EMILIN1: variants seen among roughly 807,000 people sequenced by gnomAD.
EMILIN1 encodes EMILIN-1.
A neutral mutation model predicts 82.4 loss-of-function variants in EMILIN1; 49 were observed. That is an observed-to-expected ratio of 0.59 (90% confidence interval 0.47 to 0.75). The LOEUF (loss-of-function observed/expected upper bound fraction) is 0.75. EMILIN1 is among the 30% of genes least tolerant of loss of function. The pLI, the probability that EMILIN1 is intolerant of heterozygous loss-of-function variation, is 0.00. For missense variants in EMILIN1, 1,313 were observed against 1,366.4 expected (o/e 0.96, Z 0.62); for synonymous variants, 604 against 602.2 (o/e 1.00, Z -0.04).
rs951022661 is a variant in EMILIN1 at position 27,084,431 on chromosome 2, TGGGCCCCCAGGGCCTCCTGGGCTGCAG to T, written c.2460_2486del (p.Pro825_Pro833del). On this transcript the variant is annotated inframe_deletion, in exon 5 of 8. Coordinates refer to ENST00000380320, the MANE Select transcript of EMILIN1 (RefSeq NM_007046.4). ...TCACTGTAGGGCCTGCAGGAGAGGC[TGGGCCCCCAGGGCCTCCTGGGCTGCAG>T]GGACCCCCAGGCCCTGCTGGACCTC... is the stretch of plus-strand genomic sequence containing the variant. 3 of 1,609,084 alleles carry T rather than the reference TGGGCCCCCAGGGCCTCCTGGGCTGCAG, an allele frequency of 1.9e-6. No individual in the cohort carries two copies. The highest frequency in any genetic ancestry group is 1.7e-6 in the Non-Finnish European group (2 of 1,177,180).
intron 1 of EMILIN1, 102 bp downstream of exon 1, chr2:27,079,337 G>A (rs991321074): frequency 1.9e-6 from 2 of 1,052,798 alleles, no homozygotes; most frequent in Admixed American, 3.6e-5. Flanking sequence ...AGGGCAGAGG[G>A]GGAGTGAGAA....
Position 27,085,698 on chromosome 2 carries a change from G to C in EMILIN1, c.2734G>C (p.Ala912Pro). 6.2e-7 allele frequency: 1 copy of C among 1,601,316 alleles called. No individual in the cohort carries two copies. Among genetic ancestry groups the C allele is most frequent in the Non-Finnish European group, 8.5e-7 (1 of 1,170,436 alleles). Reference protein sequence around the residue: ...PETGVFTAPLAGRYLLSAVLT... With the variant: ...PETGVFTAPLPGRYLLSAVLT... ...CCCAGGCGTGTTCACAGCGCCACTG[G>C]CTGGACGCTACTTGCTGAGCGCGGT... is the stretch of plus-strand genomic sequence containing the variant. Residue 912 changes from alanine (A) to proline (P), a missense_variant, in exon 8 of 8, where the codon GCT becomes CCT. Coordinates refer to ENST00000380320, the MANE Select transcript of EMILIN1 (RefSeq NM_007046.4).
In EMILIN1 at chr2:27,083,352, G is replaced by C. The variant is rs200339477; in HGVS notation, c.1781G>C (p.Arg594Pro). The C allele has an allele frequency of 6.2e-7, 1 of 1,612,942 alleles. No homozygotes were observed. The highest frequency in any genetic ancestry group is 8.5e-7 in the Non-Finnish European group (1 of 1,179,920). The change falls in exon 4 of 8, where the codon CGC becomes CCC. Residue 594 changes from arginine to proline, a missense_variant. By Grantham distance (103) the Arg-to-Pro change is moderately radical. Coordinates refer to ENST00000380320, the MANE Select transcript of EMILIN1 (RefSeq NM_007046.4). ...ACGGVQEELGRLRDGVERCSC... is the reference protein window; with the variant it reads ...ACGGVQEELGPLRDGVERCSC... The stretch of plus-strand genomic sequence containing the variant: ...GGCGGAGTCCAAGAGGAACTAGGCC[G>C]CCTTCGGGATGGTGTGGAGCGCTGC...
chr2:27,083,156 C>T lies in EMILIN1; in HGVS notation c.1585C>T (p.Gln529Ter). The T allele has an allele frequency of 1.2e-6, 2 of 1,601,920 alleles. No individual in the cohort carries two copies. Among genetic ancestry groups the T allele is most frequent in the Non-Finnish European group, 1.7e-6 (2 of 1,173,210 alleles). The change falls in exon 4 of 8, where the codon CAG (glutamine) becomes TAG (stop). Residue 529 changes from glutamine (Q) to a stop codon, truncating the protein, a stop_gained. Transcript: ENST00000380320. LOFTEE classifies it high-confidence loss of function. ...GGTGGAAGCAGCGGGGGAGGCCCGG[C>T]AGGCCACGCTGGAGGGATTACAAGA... Reference protein sequence around the residue: ...HTVEAAGEARQATLEGLQEVV... With the variant: ...HTVEAAGEAR
At position 27,086,219 on chromosome 2, in the gene EMILIN1, G is replaced by A; in HGVS notation, c.*204G>A. ...TCGGGGCCGCCCATGCAGACTTTTGGCCTGGCGCGATCCCCCAAGAACCCC... is the reference window on the plus strand; with the variant it reads ...TCGGGGCCGCCCATGCAGACTTTTGACCTGGCGCGATCCCCCAAGAACCCC... On this transcript the variant is annotated 3_prime_UTR_variant, in exon 8 of 8. Coordinates refer to ENST00000380320, the MANE Select transcript of EMILIN1 (RefSeq NM_007046.4). 1 of 385,078 alleles carries A rather than the reference G, an allele frequency of 2.6e-6. No homozygotes were observed. The highest frequency in any genetic ancestry group is 4.6e-6 in the Non-Finnish European group (1 of 219,348). The allele number at this position is 385,078 out of a possible 1,614,324, so 23.9% of individuals were successfully genotyped here. A position where few individuals can be genotyped will look rare whatever the true frequency, so the allele number is the denominator to read the frequency against.
chr2:27,078,734 A>C lies in EMILIN1; in HGVS notation c.-332A>C, dbSNP rs1558431759. Reference sequence around the variant, plus strand: ...AGCTGGGACGAGGGGGCGGACGCCCAGGAGGCAACTTCTGAGACGCAGCTC... The same window carrying C: ...AGCTGGGACGAGGGGGCGGACGCCCCGGAGGCAACTTCTGAGACGCAGCTC... On this transcript the variant is annotated 5_prime_UTR_variant, in exon 1 of 8. Transcript: ENST00000380320. The C allele has an allele frequency of 7.2e-6, 2 of 277,878 alleles. No individual in the cohort carries two copies. Among genetic ancestry groups the C allele is most frequent in the Non-Finnish European group, 6.7e-6 (1 of 149,114 alleles). The allele number at this position is 277,878 out of a possible 1,614,324, so 17.2% of individuals were successfully genotyped here. A position where few individuals can be genotyped will look rare whatever the true frequency, so the allele number is the denominator to read the frequency against.
In EMILIN1 at chr2:27,086,288, T is replaced by G; in HGVS notation, c.*273T>G. 2.9e-6 allele frequency: 1 copy of G among 344,738 alleles called. No homozygotes were observed. Among genetic ancestry groups the G allele is most frequent in the Non-Finnish European group, 5.2e-6 (1 of 192,562 alleles). The allele number at this position is 344,738 out of a possible 1,614,324, so 21.4% of individuals were successfully genotyped here. On this transcript the variant is annotated 3_prime_UTR_variant, in exon 8 of 8. Coordinates refer to ENST00000380320, the MANE Select transcript of EMILIN1 (RefSeq NM_007046.4). ...AGGAGCCGATCCTCGCACCCTCCGC[T>G]CCCTCCACTGGCCCTCCAGGTCGAT...
intron 3 of EMILIN1, among the ~76,000 whole-genome samples, chr2:27,081,752 T>C (rs566232226): frequency 6.6e-6 from 1 of 152,294 alleles, no homozygotes; most frequent in South Asian, 2.1e-4. Flanking sequence ...GGGGGCTGGA[T>C]AGATGGTCTG....
chr2:27,080,996 G>T (rs1040790738), intron 3 of EMILIN1, 44 bp downstream of exon 3: 4 of 1,413,202 alleles, frequency 2.8e-6, no homozygotes, highest in Non-Finnish European at 3.9e-6. Flanking sequence ...TCCAAATGGT[G>T]ATCCAATGCA....
Position 27,082,474 on chromosome 2 carries a change from C to A in EMILIN1, c.903C>A (p.Ser301=), listed in dbSNP as rs1426847041. Reference sequence around the variant, plus strand: ...AGCTGGAGCAGCGGTTGCAGGAGTCCTGCTCCGTGTGCCTGGCCGGGCTAG... The same window carrying A: ...AGCTGGAGCAGCGGTTGCAGGAGTCATGCTCCGTGTGCCTGGCCGGGCTAG... The part of the protein sequence containing the change: ...LRQLEQRLQE[S]CSVCLAGLDG... Residue 301 remains serine (S), a synonymous_variant, in exon 4 of 8, where the codon TCC becomes TCA. Coordinates refer to ENST00000380320, the MANE Select transcript of EMILIN1 (RefSeq NM_007046.4). The A allele has an allele frequency of 6.4e-7, 1 of 1,559,842 alleles. No individual in the cohort carries two copies.
chr2:27,080,082 G>A (rs1034707422), intron 1 of EMILIN1, 69 bp from the exon 2 acceptor site: 8 of 1,574,572 alleles, frequency 5.1e-6, no homozygotes, highest in South Asian at 3.4e-5. Context: ...AGCCCCTCTG[G>A]TAGCCCCTGG....
rs146361990 is a variant in EMILIN1 at position 27,082,343 on chromosome 2, C to T, written c.772C>T (p.Leu258=). Reference sequence around the variant, plus strand: ...CCGCGTCTCCACCCACGACCAGGAGCTGGGTCACCTCAACAACCATCATGG... The same window carrying T: ...CCGCGTCTCCACCCACGACCAGGAGTTGGGTCACCTCAACAACCATCATGG... The part of the protein sequence containing the change: ...DTRVSTHDQE[L]GHLNNHHGGS... Residue 258 remains leucine, a synonymous_variant, in exon 4 of 8, where the codon CTG becomes TTG. Coordinates refer to ENST00000380320, the MANE Select transcript of EMILIN1 (RefSeq NM_007046.4). 7.9e-5 allele frequency: 128 copies of T among 1,612,688 alleles called. No homozygotes were observed. In the African/African-American group the frequency reaches 1.5e-3, roughly 19 times the overall value.
chr2:27,082,526 G>A lies in EMILIN1; in HGVS notation c.955G>A (p.Asp319Asn), dbSNP rs967527353. 1 of 1,544,406 alleles carries A rather than the reference G, an allele frequency of 6.5e-7. No homozygotes were observed. The highest frequency in any genetic ancestry group is 1.4e-5 in the African/African-American group (1 of 72,982). Reference sequence around the variant, plus strand: ...TGGCTTCCGCCGGCAGCAGCAGGAGGACAGGGAGCGGCTGCGAGCGATGGA... The same window carrying A: ...TGGCTTCCGCCGGCAGCAGCAGGAGAACAGGGAGCGGCTGCGAGCGATGGA... ...LDGFRRQQQE[D>N]RERLRAMEKL... The change falls in exon 4 of 8, where the codon GAC (aspartate) becomes AAC (asparagine). Residue 319 changes from aspartate (D) to asparagine (N), a missense_variant. Asp to Asn is a conservative substitution (Grantham distance 23). Transcript: ENST00000380320.
At position 27,082,546 on chromosome 2, in the gene EMILIN1, G is replaced by C; in HGVS notation, c.975G>C (p.Ala325=). The part of the protein sequence containing the change: ...QQQEDRERLR[A]MEKLLASVEE... ...AGGAGGACAGGGAGCGGCTGCGAGC[G>C]ATGGAGAAGCTGCTGGCCTCGGTGG... Residue 325 remains alanine (A), a synonymous_variant, in exon 4 of 8, where the codon GCG becomes GCC. Transcript: ENST00000380320. 6.5e-7 allele frequency: 1 copy of C among 1,543,086 alleles called. No homozygotes were observed. Among genetic ancestry groups the C allele is most frequent in the African/African-American group, 1.4e-5 (1 of 73,072 alleles).
At position 27,083,675 on chromosome 2, in the gene EMILIN1, G is replaced by C. The variant is rs370534632; in HGVS notation, c.2104G>C (p.Glu702Gln). 1 of 1,613,874 alleles carries C rather than the reference G, an allele frequency of 6.2e-7. No individual in the cohort carries two copies. Among genetic ancestry groups the C allele is most frequent in the East Asian group, 2.2e-5 (1 of 44,868 alleles). Residue 702 changes from glutamate to glutamine, a missense_variant, in exon 4 of 8, where the codon GAG (glutamate) becomes CAG (glutamine). By Grantham distance (29) the Glu-to-Gln change is conservative. Coordinates refer to ENST00000380320, the MANE Select transcript of EMILIN1 (RefSeq NM_007046.4). ...GCAGGAGGCCACAGAGCATGCTACA[G>C]AGAGTGAAGAGCGCTTCCGAGGCCT... ...LQQEATEHATESEERFRGLEE... is the reference protein window; with the variant it reads ...LQQEATEHATQSEERFRGLEE...
Position 27,083,777 on chromosome 2 carries a change from C to T in EMILIN1, c.2206C>T (p.Arg736Trp), listed in dbSNP as rs139887250. Residue 736 changes from arginine to tryptophan, a missense_variant, in exon 4 of 8, where the codon CGG becomes TGG. By Grantham distance (101) the Arg-to-Trp change is moderately radical. Transcript: ENST00000380320. ...GGGCCGTCTTGAGGGTGTCTGTGAACGGTTGGACACTGTGGCTGGGGGACT... is the reference window on the plus strand; with the variant it reads ...GGGCCGTCTTGAGGGTGTCTGTGAATGGTTGGACACTGTGGCTGGGGGACT... ...RLGRLEGVCE[R>W]LDTVAGGLQG... 9 of 1,606,840 alleles carry T rather than the reference C, an allele frequency of 5.6e-6. No individual in the cohort carries two copies. The highest frequency in any genetic ancestry group is 2.2e-5 in the East Asian group (1 of 44,624).
chr2:27,082,254 C>G lies in EMILIN1; in HGVS notation c.683C>G (p.Ala228Gly). Residue 228 changes from alanine to glycine, a missense_variant, in exon 4 of 8, where the codon GCT becomes GGT. Coordinates refer to ENST00000380320, the MANE Select transcript of EMILIN1 (RefSeq NM_007046.4). ...GGGAGGCAGCAGCCAGCTGACGCGGCTGCCCGCCCTGGGGTGCATGAAACC... is the reference window on the plus strand; with the variant it reads ...GGGAGGCAGCAGCCAGCTGACGCGGGTGCCCGCCCTGGGGTGCATGAAACC... ...FNGRQQPADAAARPGVHETLN... is the reference protein window; with the variant it reads ...FNGRQQPADAGARPGVHETLN... The G allele has an allele frequency of 6.2e-7, 1 of 1,613,250 alleles. No individual in the cohort carries two copies. Among genetic ancestry groups the G allele is most frequent in the Non-Finnish European group, 8.5e-7 (1 of 1,179,944 alleles).
rs1292887392 is a variant in EMILIN1 at position 27,085,943 on chromosome 2, G to A, written c.2979G>A (p.Ala993=). The A allele has an allele frequency of 6.6e-7, 1 of 1,523,410 alleles. No homozygotes were observed. The highest frequency in any genetic ancestry group is 8.9e-7 in the Non-Finnish European group (1 of 1,127,602). 94.4% of individuals were successfully genotyped at this position (1,523,410 alleles called of 1,614,324 possible). The change falls in exon 8 of 8, where the codon GCG becomes GCA. Residue 993 remains alanine (A), a synonymous_variant. Transcript: ENST00000380320. ...TCGACCTGGTCATGGGGCAGCTGGC[G>A]CACTCGGAGGAGCCGCTCACCATCT... The part of the protein sequence containing the change: ...VCVDLVMGQL[A]HSEEPLTIFS...
rs1669629071 is a variant in EMILIN1, at chr2:27,086,133, C to T, written c.*118C>T. 4 of 756,100 alleles carry T rather than the reference C, an allele frequency of 5.3e-6. No individual in the cohort carries two copies. The South Asian group carries it at 2.2e-4, about 41-fold the overall frequency. The allele number at this position is 756,100 out of a possible 1,614,324, so 46.8% of individuals were successfully genotyped here. On this transcript the variant is annotated 3_prime_UTR_variant, in exon 8 of 8. Coordinates refer to ENST00000380320, the MANE Select transcript of EMILIN1 (RefSeq NM_007046.4). ...TGGGCGAGCGCCGCACCCGGGCCCG[C>T]AGCGGCACCGCGCCCAGAGCGGCCT...
Sources: allele counts gnomAD v4.1 joint callset (sites outside exome capture counted in the v4.1 genomes callset), GRCh38; gene constraint gnomAD v4.1.1; transcripts MANE v1.5; gene names NCBI Gene and HGNC (gene_info 2026-07-23, HGNC 2026-07-21).